Variants in UBR4 observed in about 807,000 individuals in gnomAD.
UBR4 encodes E3 ubiquitin-protein ligase UBR4.
UBR4 carries 124 observed loss-of-function variants against 575.6 expected under a neutral mutation model. The ratio of observed to expected loss-of-function variants is 0.22; its 90% CI spans 0.19 to 0.25. The LOEUF (loss-of-function observed/expected upper bound fraction) is 0.25, where lower values mean the gene tolerates loss of function less well. Ranked by LOEUF, UBR4 falls within the 10% of genes least tolerant of loss-of-function variation. The pLI is 1.00. For synonymous variants in UBR4, 2,455 were observed against 2,473.7 expected (o/e 0.99, Z 0.22); for missense variants, 4,818 against 6,478.8 (o/e 0.74, Z 8.80).
In UBR4 at chr1:19,141,321, G is replaced by C. The variant is rs201780204; in HGVS notation, c.8488+26C>G. ...TTTTCCTGTGCAAGGCCAATGGGCC[G>C]CTTTGTTCTTGGCATGGCCTTCTAC... is the stretch of plus-strand genomic sequence containing the variant. On this transcript the variant is annotated intron_variant, in intron 57 of 105. Transcript: ENST00000375254. 3.7e-6 allele frequency: 6 copies of C among 1,614,088 alleles called. No homozygotes were observed. In the East Asian group the frequency reaches 1.1e-4, roughly 30 times the overall value.
At chr1:19,189,504 T>C (rs914565733) in intron 11 of UBR4, among the ~76,000 whole-genome samples, 7 of 152,252 alleles carry the variant, frequency 4.6e-5, no homozygotes, top group African/African-American at 1.7e-4. Context: ...ATTTTAATAG[T>C]GTCACTGAAA....
rs2296106 is a variant in UBR4, at chr1:19,096,744, G to A, written c.13391-94C>T. The A allele has an allele frequency of 1.8e-4, 278 of 1,514,612 alleles. 1 individual carries two copies. The East Asian group carries it at 5.9e-3, about 32-fold the overall frequency. The allele number at this position is 1,514,612 out of a possible 1,614,324, so 93.8% of individuals were successfully genotyped here. ...AAGACAGCCCTATTCCTGGCTGATG[G>A]CTGACAGCCCTTTTCCGTATCTCCA... On this transcript the variant is annotated intron_variant, in intron 91 of 105. Transcript: ENST00000375254.
Position 19,121,344 on chromosome 1 carries a change from C to A in UBR4, c.9986G>T (p.Gly3329Val). Residue 3329 changes from glycine (G) to valine (V), a missense_variant, in exon 68 of 106, where the codon GGC (glycine) becomes GTC (valine). Gly to Val is a moderately radical substitution (Grantham distance 109). Around this residue, in one of 29 missense-constraint regions of UBR4, gnomAD observed 550 missense variants for 791.5 expected, o/e 0.69. Transcript: ENST00000375254. The stretch of plus-strand genomic sequence containing the variant: ...TGCCAGTGCAGCGAGCACCTTGCTG[C>A]CGCACAGAGCACAGGAGAGCAGTTG... ...LLQLLSCALC[G>V]SKVLAALAAS... 1 of 1,614,188 alleles carries A rather than the reference C, an allele frequency of 6.2e-7. No individual in the cohort carries two copies. The highest frequency in any genetic ancestry group is 8.5e-7 in the Non-Finnish European group (1 of 1,180,024).
At chr1:19,092,143 G>A (rs1230466908) in intron 97 of UBR4, among the ~76,000 whole-genome samples, 1 of 152,078 alleles carries the variant, frequency 6.6e-6, no homozygotes, top group African/African-American at 2.4e-5. Flanking sequence ...CCAACAAGAG[G>A]GACCCTTGTG....
At chr1:19,135,272 T>C (rs1178966121) in intron 60 of UBR4, among the ~76,000 whole-genome samples, 1 of 152,216 alleles carries the variant, frequency 6.6e-6, no homozygotes, top group East Asian at 1.9e-4. Context: ...ACTAATCTAT[T>C]TGTCTATCTT....
intron 1 of UBR4, among the ~76,000 whole-genome samples, chr1:19,203,070 C>A (rs2092824637): frequency 6.7e-6 from 1 of 149,646 alleles, no homozygotes; most frequent in Non-Finnish European, 1.5e-5. Context: ...GACAGCGAGA[C>A]TCCGTCTCAG....
chr1:19,158,362 A>C (rs1320058413), intron 39 of UBR4, among the ~76,000 whole-genome samples: 1 of 152,220 alleles, frequency 6.6e-6, no homozygotes, highest in Non-Finnish European at 1.5e-5. Flanking sequence ...TTTTCACTTC[A>C]TCTTTAATAT....
Position 19,165,765 on chromosome 1 carries a change from T to A in UBR4, c.4110-8A>T, listed in dbSNP as rs750821056. On this transcript the variant is annotated splice_region_variant and splice_polypyrimidine_tract_variant and intron_variant, in intron 29 of 105. Coordinates refer to ENST00000375254, the MANE Select transcript of UBR4 (RefSeq NM_020765.3). Reference sequence around the variant, plus strand: ...ATGGATTCATCCAGTCCACTGAGGATCAAACGGAAAACTTAACCACCAGTA... The same window carrying A: ...ATGGATTCATCCAGTCCACTGAGGAACAAACGGAAAACTTAACCACCAGTA... 1.9e-6 allele frequency: 3 copies of A among 1,608,084 alleles called. No homozygotes were observed. Among genetic ancestry groups the A allele is most frequent in the Non-Finnish European group, 2.5e-6 (3 of 1,177,580 alleles).
chr1:19,129,155 A>G (rs1570840926), intron 60 of UBR4, 81 bp from the exon 61 acceptor site: 3 of 1,186,784 alleles, frequency 2.5e-6, no homozygotes, highest in Non-Finnish European at 3.7e-6. Context: ...CCCCAACCCC[A>G]CCCTGCTACC....
At position 19,111,106 on chromosome 1, in the gene UBR4, C is replaced by A. The variant is rs113718488; in HGVS notation, c.11802-274G>T. On this transcript the variant is annotated intron_variant, in intron 78 of 105. Coordinates refer to ENST00000375254, the MANE Select transcript of UBR4 (RefSeq NM_020765.3). ...GGGGCCCATGTCCCAGGCGACAGAG[C>A]CCCTGCTGTCTGGTGTGACACAGTC... Among the ~76,000 whole-genome samples the A allele has an allele frequency of 4.2e-3, 644 of 152,320 alleles. 5 individuals are homozygous for A. The highest frequency in any genetic ancestry group is 0.017 in the Middle Eastern group (5 of 294).
At chr1:19,132,099 C>A (rs1232656926) in intron 60 of UBR4, among the ~76,000 whole-genome samples, 3 of 152,066 alleles carry the variant, frequency 2.0e-5, no homozygotes, top group Non-Finnish European at 4.4e-5. Flanking sequence ...CAAAACACAA[C>A]ATTATCAAAA....
intron 71 of UBR4, chr1:19,118,656 T>C: frequency 1.7e-6 from 1 of 582,418 alleles, no homozygotes; most frequent in Non-Finnish European, 3.0e-6. Flanking sequence ...CCTTTCTACA[T>C]TACTACTCAC....
At position 19,154,901 on chromosome 1, in the gene UBR4, T is replaced by C. The variant is rs2086241054; in HGVS notation, c.6458+17A>G. Reference sequence around the variant, plus strand: ...TGTGGACATTGCGGAAGTTGAACATTAAATGTTCATTCCCACCTTTTGATG... The same window carrying C: ...TGTGGACATTGCGGAAGTTGAACATCAAATGTTCATTCCCACCTTTTGATG... On this transcript the variant is annotated intron_variant, in intron 44 of 105. Transcript: ENST00000375254. 3 of 1,614,078 alleles carry C rather than the reference T, an allele frequency of 1.9e-6. No homozygotes were observed. The highest frequency in any genetic ancestry group is 4.5e-5 in the East Asian group (2 of 44,882).
At chr1:19,166,974 T>C (rs745485489) in intron 29 of UBR4, 48 bp downstream of exon 29, 49 of 1,596,086 alleles carry the variant, frequency 3.1e-5, no homozygotes, top group Non-Finnish European at 4.0e-5. Context: ...ATTTCACTGA[T>C]AGCAGCAGTA....
At chr1:19,169,623 C>A in intron 26 of UBR4, 91 bp from the exon 27 acceptor site, 3 of 959,714 alleles carry the variant, frequency 3.1e-6, no homozygotes, top group Non-Finnish European at 4.7e-6. Flanking sequence ...CAGAAAGAAA[C>A]AGTACAGCCC....
rs1489961621 is a variant in UBR4 at position 19,139,296 on chromosome 1, CT to C, written c.8594-77del. The C allele has an allele frequency of 1.6e-5, 24 of 1,504,896 alleles. No homozygotes were observed. The highest frequency in any genetic ancestry group is 2.1e-5 in the Non-Finnish European group (24 of 1,121,416). 93.2% of individuals were successfully genotyped at this position (1,504,896 alleles called of 1,614,324 possible). ...AACAAACAAAAAACAAAAAAAACCCCTCCTTGGGATGAAAGCATCAAACCAC... is the reference window on the plus strand; with the variant it reads ...AACAAACAAAAAACAAAAAAAACCCCCCTTGGGATGAAAGCATCAAACCAC... On this transcript the variant is annotated intron_variant, in intron 58 of 105. Transcript: ENST00000375254. This position sits in a 1 kb window ranked among gnomAD's most constrained non-coding sequence, Gnocchi z 4.2.
chr1:19,170,346 C>A (rs914468809), intron 26 of UBR4, among the ~76,000 whole-genome samples: 2 of 152,190 alleles, frequency 1.3e-5, no homozygotes, highest in Non-Finnish European at 2.9e-5. Flanking sequence ...CCGCAGTGAG[C>A]TGCGATAGCG....
chr1:19,156,150 AGGTGAAAGTCAT>A (rs1319333595), intron 42 of UBR4, 109 bp downstream of exon 42: 15 of 1,327,132 alleles, frequency 1.1e-5, no homozygotes, highest in Non-Finnish European at 1.6e-5. Context: ...CTGGTACTAC[AGGTGAAAGTCAT>A]GGCACCCAGC....
rs2077348912 is a variant in UBR4 at position 19,089,895 on chromosome 1, A to G, written c.14212-918T>C. On this transcript the variant is annotated intron_variant, in intron 97 of 105. Coordinates refer to ENST00000375254, the MANE Select transcript of UBR4 (RefSeq NM_020765.3). The surrounding 1 kb of genome is among the most constrained non-coding windows in gnomAD (Gnocchi z 4.3). Reference sequence around the variant, plus strand: ...TGAGCCCATATTTCAACTCCTACTGAGCTTTTCCACAGGTACCCCAAACTC... The same window carrying G: ...TGAGCCCATATTTCAACTCCTACTGGGCTTTTCCACAGGTACCCCAAACTC... Among the ~76,000 whole-genome samples the G allele has an allele frequency of 6.6e-6, 1 of 152,144 alleles. No individual in the cohort carries two copies. The highest frequency in any genetic ancestry group is 2.1e-4 in the South Asian group (1 of 4,830).
Sources: allele counts gnomAD v4.1 joint callset (sites outside exome capture counted in the v4.1 genomes callset), GRCh38; gene constraint gnomAD v4.1.1; regional missense constraint gnomAD v4.1.1; non-coding constraint Gnocchi (gnomAD v3.1); transcripts MANE v1.5; gene names NCBI Gene and HGNC (gene_info 2026-07-23, HGNC 2026-07-21).